Variants in AOPEP observed in about 807,000 individuals in gnomAD.
The protein encoded by AOPEP is aminopeptidase O.
A neutral mutation model predicts 98.1 loss-of-function variants in AOPEP; 77 were observed. The ratio of observed to expected loss-of-function variants is 0.78; its 90% confidence interval spans 0.65 to 0.95. AOPEP has a LOEUF of 0.95. AOPEP is among the 40% of genes least tolerant of loss of function. The pLI is 0.00. For missense variants in AOPEP, 1,024 were observed against 1,024.7 expected (o/e 1.00, Z 0.01); for synonymous variants, 346 against 365.3 (o/e 0.95, Z 0.60).
intron 4 of AOPEP, 89 bp downstream of exon 4, chr9:94,793,007 G>T (rs1057311464): frequency 7.3e-7 from 1 of 1,363,236 alleles, no homozygotes; most frequent in Admixed American, 2.2e-5. Context: ...CTGGGAATGT[G>T]AGTCATTCCT....
chr9:94,954,883 G>A (rs2058348604), intron 7 of AOPEP, among the ~76,000 whole-genome samples: 1 of 152,112 alleles, frequency 6.6e-6, no homozygotes, highest in African/African-American at 2.4e-5. Context: ...TCAAAAAAGG[G>A]TATACGTTCT....
At chr9:94,932,933 G>A (rs1356752955) in intron 7 of AOPEP, 3 of 985,408 alleles carry the variant, frequency 3.0e-6, no homozygotes, top group Non-Finnish European at 3.6e-6. Context: ...TGTGGCTACA[G>A]GCTTCTGAGG....
At chr9:95,125,087 T>C in the AOPEP span, 2 of 1,613,370 alleles carry the variant, frequency 1.2e-6, no homozygotes, top group South Asian at 2.2e-5. Context: ...ATAACAAACC[T>C]GCTTGCTTGC....
At chr9:94,992,546 A>C (rs2060959936) in intron 11 of AOPEP, among the ~76,000 whole-genome samples, 2 of 152,202 alleles carry the variant, frequency 1.3e-5, no homozygotes, top group Non-Finnish European at 2.9e-5. Flanking sequence ...TTTTTTTCAC[A>C]GAGTTCTTTA....
chr9:94,893,196 C>A (rs2049071508), intron 5 of AOPEP, among the ~76,000 whole-genome samples: 1 of 152,160 alleles, frequency 6.6e-6, no homozygotes, highest in African/African-American at 2.4e-5. Context: ...CTTAGCTTTT[C>A]TCTTGTTGCT....
intron 16 of AOPEP, chr9:95,086,228 A>G (rs2070676778): frequency 1.6e-6 from 2 of 1,269,512 alleles, no homozygotes; most frequent in Admixed American, 4.9e-5. Context: ...AGTCATCTGC[A>G]TGTGCTCCTG....
rs1009592330 is a variant in AOPEP at position 94,732,471 on chromosome 9, A to G, written c.-136+5720A>G. 4.6e-5 allele frequency among the ~76,000 whole-genome samples: 7 copies of G among 152,298 alleles called. No homozygotes were observed. In the East Asian group the frequency reaches 1.3e-3, roughly 29 times the overall value. ...GAGTTTTAACTTGATTCTCATACAAATTTTTCAGGAATCTAGTCTATTTGA... is the reference window on the plus strand; with the variant it reads ...GAGTTTTAACTTGATTCTCATACAAGTTTTTCAGGAATCTAGTCTATTTGA... On this transcript the variant is annotated intron_variant, in intron 1 of 16. Coordinates refer to ENST00000375315, the MANE Select transcript of AOPEP (RefSeq NM_001193329.3).
chr9:94,738,591 TG>T (rs201893645), intron 1 of AOPEP, among the ~76,000 whole-genome samples: 3 of 152,032 alleles, frequency 2.0e-5, no homozygotes, highest in African/African-American at 7.3e-5. Context: ...TATTTTTTTT[TG>T]AGATGGAGTC....
the AOPEP span, among the ~76,000 whole-genome samples, chr9:95,140,800 C>T: frequency 6.6e-6 from 1 of 152,114 alleles, no homozygotes; most frequent in Non-Finnish European, 1.5e-5. Context: ...CTGATCTAAG[C>T]AATGCATCAT....
chr9:95,102,001 T>C, the AOPEP span: 53 of 904,616 alleles, frequency 5.9e-5, no homozygotes, highest in African/African-American at 6.9e-4. Context: ...GGGCTCTAGT[T>C]TGCAAGGTGA....
At chr9:95,142,071 C>T in the AOPEP span, among the ~76,000 whole-genome samples, 2 of 130,634 alleles carry the variant, frequency 1.5e-5, no homozygotes, top group Admixed American at 9.2e-5. Flanking sequence ...CGGCTCACTA[C>T]AACCTCTGCC....
At chr9:94,977,015 G>T (rs2059891996) in intron 10 of AOPEP, among the ~76,000 whole-genome samples, 2 of 152,166 alleles carry the variant, frequency 1.3e-5, no homozygotes, top group African/African-American at 4.8e-5. Context: ...CTTGAAGGAT[G>T]GGTGAAAGGA....
intron 5 of AOPEP, among the ~76,000 whole-genome samples, chr9:94,896,054 G>T (rs1313895302): frequency 6.6e-6 from 1 of 152,096 alleles, no homozygotes; most frequent in Non-Finnish European, 1.5e-5. Context: ...ATAAATGAAA[G>T]AAATTAGAGG....
In AOPEP at chr9:94,841,818, A is replaced by T. The variant is rs370890042; in HGVS notation, c.1364+40816A>T. On this transcript the variant is annotated intron_variant, in intron 5 of 16. Coordinates refer to ENST00000375315, the MANE Select transcript of AOPEP (RefSeq NM_001193329.3). ...TGTAATCCCAACATTTTGGGAGGTC[A>T]AGGCAGGAGGACTGCTTGAACCCAG... Among the ~76,000 whole-genome samples, 50 of 152,218 alleles carry T rather than the reference A, an allele frequency of 3.3e-4. No individual in the cohort carries two copies. The South Asian group carries it at 8.7e-3, about 27-fold the overall frequency.
At chr9:94,842,623 C>G (rs1395192957) in intron 5 of AOPEP, among the ~76,000 whole-genome samples, 2 of 151,934 alleles carry the variant, frequency 1.3e-5, no homozygotes, top group Non-Finnish European at 2.9e-5. Flanking sequence ...AGATATTTAC[C>G]ATTTCTGTTC....
At chr9:95,006,006 A>G (rs2061984992) in intron 13 of AOPEP, 2 of 477,554 alleles carry the variant, frequency 4.2e-6, no homozygotes, top group African/African-American at 2.0e-5. Context: ...CTAGACTTTA[A>G]ATTGGAGTCA....
chr9:95,080,328 C>T (rs1255606519), intron 14 of AOPEP, among the ~76,000 whole-genome samples: 1 of 152,070 alleles, frequency 6.6e-6, no homozygotes, highest in Non-Finnish European at 1.5e-5. Context: ...GAGATCGAGA[C>T]CAGCCTGGCC....
intron 16 of AOPEP, 194 bp from the exon 17 acceptor site, chr9:95,086,488 C>T: frequency 1.0e-6 from 1 of 985,358 alleles, no homozygotes; most frequent in Non-Finnish European, 1.2e-6. Flanking sequence ...GGTGTCATGG[C>T]CACGTGTGAG....
At chr9:95,060,532 C>T (rs547613780) in intron 13 of AOPEP, among the ~76,000 whole-genome samples, 162 bp from the exon 14 acceptor site, 4 of 152,094 alleles carry the variant, frequency 2.6e-5, no homozygotes, top group Non-Finnish European at 5.9e-5. Context: ...CAATGTAGGC[C>T]CTGAGGAATT....
Sources: allele counts gnomAD v4.1 joint callset (sites outside exome capture counted in the v4.1 genomes callset), GRCh38; gene constraint gnomAD v4.1.1; transcripts MANE v1.5; gene names NCBI Gene and HGNC (gene_info 2026-07-23, HGNC 2026-07-21).